The following CADPS2 variants were observed in gnomAD, a reference collection of about 807,000 sequenced individuals.
CADPS2 encodes the protein calcium-dependent secretion activator 2.
Under a neutral mutation model 172.5 loss-of-function variants are expected in CADPS2, and 93 were observed. The ratio of observed to expected loss-of-function variants is 0.54; its 90% CI spans 0.46 to 0.64. The LOEUF (loss-of-function observed/expected upper bound fraction) is 0.64, where lower values mean the gene tolerates loss of function less well. Among genes scored for constraint, CADPS2 ranks in the 30% least tolerant of loss-of-function variants. The pLI is 0.00. For synonymous variants in CADPS2, 546 were observed against 555.2 expected (o/e 0.98, Z 0.23); for missense variants, 1,420 against 1,565.9 (o/e 0.91, Z 1.57).
At chr7:122,832,782 C>A (rs923760695) in intron 1 of CADPS2, among the ~76,000 whole-genome samples, 5 of 152,102 alleles carry the variant, frequency 3.3e-5, no homozygotes, top group African/African-American at 9.7e-5. Flanking sequence ...ATGGGAACTG[C>A]CATAAGATAG....
At chr7:122,530,809 C>T (rs546325858) in intron 8 of CADPS2, among the ~76,000 whole-genome samples, 4 of 152,120 alleles carry the variant, frequency 2.6e-5, no homozygotes, top group African/African-American at 4.8e-5. Context: ...AAATTGTCTT[C>T]AAGTAAGCTT....
intron 1 of CADPS2, among the ~76,000 whole-genome samples, chr7:122,835,000 T>A (rs1056533774): frequency 2.0e-5 from 3 of 152,274 alleles, no homozygotes; most frequent in Admixed American, 6.5e-5. Context: ...AGTGGGTCCC[T>A]GACGCCCGAG....
intron 20 of CADPS2, among the ~76,000 whole-genome samples, chr7:122,404,475 C>G (rs1235689440): frequency 6.6e-6 from 1 of 152,146 alleles, no homozygotes; most frequent in Non-Finnish European, 1.5e-5. Context: ...GTCTTTATAG[C>G]AGCATGATTT....
chr7:122,541,905 T>TG (rs2063133605), intron 8 of CADPS2, among the ~76,000 whole-genome samples: 6 of 142,930 alleles, frequency 4.2e-5, no homozygotes, highest in Admixed American at 2.9e-4. Flanking sequence ...ATTTATATAT[T>TG]CATATATATT....
intron 1 of CADPS2, among the ~76,000 whole-genome samples, chr7:122,745,428 A>G (rs1406829203): frequency 6.6e-6 from 1 of 151,894 alleles, no homozygotes; most frequent in African/African-American, 2.4e-5. Flanking sequence ...CCCAAAGCCT[A>G]TATTCTTTCC....
intron 22 of CADPS2, 124 bp downstream of exon 22, chr7:122,393,072 A>C: frequency 8.5e-7 from 1 of 1,174,480 alleles, no homozygotes; most frequent in Middle Eastern, 2.2e-4. Flanking sequence ...AAATAAAAAA[A>C]AAAAAACAGT....
chr7:122,720,415 G>A (rs1357908358), intron 2 of CADPS2, among the ~76,000 whole-genome samples: 2 of 149,348 alleles, frequency 1.3e-5, no homozygotes, highest in East Asian at 2.0e-4. Flanking sequence ...ACTTAATAGA[G>A]GTTTGTATAT....
At chr7:122,702,383 C>T in intron 2 of CADPS2, 1 of 1,613,788 alleles carries the variant, frequency 6.2e-7, no homozygotes, top group Non-Finnish European at 8.5e-7. Flanking sequence ...CCCATTTGCT[C>T]CCTTCTCTGC....
At chr7:122,645,308 CATGTGTGTAT>C (rs1204720956) in intron 3 of CADPS2, among the ~76,000 whole-genome samples, 3 of 121,846 alleles carry the variant, frequency 2.5e-5, no homozygotes, top group African/African-American at 8.8e-5. Flanking sequence ...CACATATGTA[CATGTGTGTAT>C]ACATGTACAT....
At chr7:122,514,445 C>A (rs1563561823) in intron 8 of CADPS2, among the ~76,000 whole-genome samples, 2 of 151,916 alleles carry the variant, frequency 1.3e-5, no homozygotes, top group Non-Finnish European at 2.9e-5. Context: ...TTAAAATAAT[C>A]CTATTTTGCA....
intron 17 of CADPS2, among the ~76,000 whole-genome samples, chr7:122,436,557 A>T (rs1457469485): frequency 6.6e-6 from 1 of 152,044 alleles, no homozygotes; most frequent in Non-Finnish European, 1.5e-5. Context: ...GAGGGAGATG[A>T]TGAAAAACAT....
At chr7:122,775,087 GTTGTT>G (rs2093833456) in intron 1 of CADPS2, among the ~76,000 whole-genome samples, 1 of 151,880 alleles carries the variant, frequency 6.6e-6, no homozygotes, top group Non-Finnish European at 1.5e-5. Context: ...CAGTTGCTAG[GTTGTT>G]TTGTGTTATA....
At chr7:122,493,863 TAATCA>T (rs2058518903) in intron 9 of CADPS2, among the ~76,000 whole-genome samples, 1 of 152,144 alleles carries the variant, frequency 6.6e-6, no homozygotes, top group Admixed American at 6.5e-5. Flanking sequence ...GTGAGTTTCC[TAATCA>T]AATAGTTTGC....
chr7:122,553,278 A>T (rs969326662), intron 8 of CADPS2, among the ~76,000 whole-genome samples: 5 of 152,180 alleles, frequency 3.3e-5, no homozygotes, highest in African/African-American at 9.6e-5. Flanking sequence ...CCTAGTTGGA[A>T]GACAGTAGTG....
intron 27 of CADPS2, among the ~76,000 whole-genome samples, chr7:122,353,891 T>C (rs780249340): frequency 1.4e-4 from 21 of 152,338 alleles, no homozygotes; most frequent in Admixed American, 2.6e-4. Context: ...TCTTGACTGA[T>C]ACAGGCTCAG....
intron 1 of CADPS2, among the ~76,000 whole-genome samples, chr7:122,800,017 G>A (rs569887178): frequency 2.0e-5 from 3 of 152,126 alleles, no homozygotes; most frequent in Admixed American, 6.5e-5. Flanking sequence ...GGTTATCCTG[G>A]GTAGAAAACC....
chr7:122,584,449 T>C lies in CADPS2; in HGVS notation c.1224-3159A>G, dbSNP rs1587583962. Among the ~76,000 whole-genome samples the C allele has an allele frequency of 5.3e-5, 8 of 152,074 alleles. No individual in the cohort carries two copies. The South Asian group carries it at 1.0e-3, about 20-fold the overall frequency. ...CATCTGTTATGTCCTTCTTCATTCT[T>C]AATGTTTTCTTTTTTCCATTTTTAA... On this transcript the variant is annotated intron_variant, in intron 6 of 29. Transcript: ENST00000449022.
rs548379542 is a variant in CADPS2 at position 122,432,680 on chromosome 7, C to A, written c.2476+5661G>T. Among the ~76,000 whole-genome samples the A allele has an allele frequency of 5.1e-3, 735 of 144,430 alleles. 5 individuals are homozygous for A. Among genetic ancestry groups the A allele is most frequent in the Non-Finnish European group, 7.9e-3 (519 of 65,386 alleles). The allele number at this position is 144,430 out of a possible 152,430, so 94.8% of individuals were successfully genotyped here. A position where few individuals can be genotyped will look rare whatever the true frequency, so the allele number is the denominator to read the frequency against. ...AAAAAAAGAAAAAAAGAAAAGAAAA[C>A]CTCTGGGACACATAGGCAGTCAGTA... is the stretch of plus-strand genomic sequence containing the variant. On this transcript the variant is annotated intron_variant, in intron 17 of 29. Coordinates refer to ENST00000449022, the MANE Select transcript of CADPS2 (RefSeq NM_017954.11).
chr7:122,733,170 C>T (rs2091850188), intron 2 of CADPS2, among the ~76,000 whole-genome samples: 1 of 151,622 alleles, frequency 6.6e-6, no homozygotes, highest in Non-Finnish European at 1.5e-5. Context: ...ATATATCTAG[C>T]ATCTTCAAGG....
Sources: allele counts gnomAD v4.1 joint callset (sites outside exome capture counted in the v4.1 genomes callset), GRCh38; gene constraint gnomAD v4.1.1; transcripts MANE v1.5; gene names NCBI Gene and HGNC (gene_info 2026-07-23, HGNC 2026-07-21).